GPC6: variants seen among roughly 807,000 people sequenced by gnomAD.
GPC6 encodes the protein glypican-6.
In GPC6, 14 loss-of-function variants were observed where a neutral mutation model predicts 55.2. The observed-to-expected ratio is 0.25, with a 90% CI of 0.17 to 0.40. The LOEUF is 0.40. Among genes scored for constraint, GPC6 ranks in the 10% least tolerant of loss-of-function variants. GPC6 has a pLI of 1.00. For missense variants in GPC6, 641 were observed against 708.5 expected, an observed-to-expected ratio of 0.90 and a Z score of 1.08; for synonymous variants, 278 against 259.6, an observed-to-expected ratio of 1.07 and a Z score of -0.68.
intron 4 of GPC6, among the ~76,000 whole-genome samples, chr13:94,250,757 T>C (rs528465904): frequency 6.6e-6 from 1 of 152,212 alleles, no homozygotes; most frequent in Admixed American, 6.5e-5. Flanking sequence ...GGGTTGTAGA[T>C]AAAACAAGAT....
In GPC6 at chr13:93,596,673, C is replaced by T. The variant is rs565615424; in HGVS notation, c.319+51252C>T. Among the ~76,000 whole-genome samples the T allele has an allele frequency of 1.1e-3, 159 of 145,200 alleles. No individual in the cohort carries two copies. The South Asian group carries it at 0.011, about 10-fold the overall frequency. On this transcript the variant is annotated intron_variant, in intron 2 of 8. Transcript: ENST00000377047. ...GTATATGCATATATAAGTGTGTATA[C>T]ACTTATATAAGTGTGTATATAAGTA... is the stretch of plus-strand genomic sequence containing the variant.
At chr13:93,585,188 G>T (rs1468821904) in intron 2 of GPC6, among the ~76,000 whole-genome samples, 2 of 152,088 alleles carry the variant, frequency 1.3e-5, no homozygotes, top group Non-Finnish European at 2.9e-5. Flanking sequence ...ATTTTTAGGG[G>T]TGCTCAAAAT....
At position 93,545,440 on chromosome 13, in the gene GPC6, AC is replaced by A. The variant is rs1460909236; in HGVS notation, c.319+20del. The A allele has an allele frequency of 1.2e-6, 2 of 1,607,600 alleles. No homozygotes were observed. On this transcript the variant is annotated intron_variant, in intron 2 of 8. Transcript: ENST00000377047. ...TTTGACGGTAGGTGAAATGGTTTTC[AC>A]TTCAGTTTGTTATAGGTGCACTTTT...
rs1200574117 is a variant in GPC6 at position 94,258,514 on chromosome 13, T to C, written c.878-27835T>C. Reference sequence around the variant, plus strand: ...AATAATTGCAAATTTAAATATGATGTTGCTTTTTCTATCCAGTATCTTCTG... The same window carrying C: ...AATAATTGCAAATTTAAATATGATGCTGCTTTTTCTATCCAGTATCTTCTG... On this transcript the variant is annotated intron_variant, in intron 4 of 8. Coordinates refer to ENST00000377047, the MANE Select transcript of GPC6 (RefSeq NM_005708.5). 2.6e-5 allele frequency among the ~76,000 whole-genome samples: 4 copies of C among 152,362 alleles called. No homozygotes were observed. In the East Asian group the frequency reaches 7.7e-4, roughly 29 times the overall value.
chr13:93,319,066 A>G (rs1475448), intron 1 of GPC6, among the ~76,000 whole-genome samples: 29,803 of 151,974 alleles, frequency 0.2, 3,137 homozygotes, highest in Non-Finnish European at 0.24. Context: ...TTCCGATAGC[A>G]CTGGCAGACT....
chr13:93,799,829 G>T (rs1594467927), intron 2 of GPC6, among the ~76,000 whole-genome samples: 1 of 152,300 alleles, frequency 6.6e-6, no homozygotes, highest in East Asian at 1.9e-4. Flanking sequence ...ACTGGGGCAG[G>T]TAGTGGGGCA....
At chr13:93,794,546 A>G (rs1886141578) in intron 2 of GPC6, among the ~76,000 whole-genome samples, 1 of 152,256 alleles carries the variant, frequency 6.6e-6, no homozygotes. Context: ...TGGAAAAGAC[A>G]GGAAGAGTTT....
intron 4 of GPC6, among the ~76,000 whole-genome samples, chr13:94,196,396 A>G (rs1182491451): frequency 6.6e-6 from 1 of 152,154 alleles, no homozygotes; most frequent in African/African-American, 2.4e-5. Flanking sequence ...GCTGAACTTC[A>G]TGTTAACTGT....
At chr13:93,817,156 T>C (rs1388935106) in intron 2 of GPC6, among the ~76,000 whole-genome samples, 1 of 152,248 alleles carries the variant, frequency 6.6e-6, no homozygotes, top group African/African-American at 2.4e-5. Context: ...TTAAATTTGC[T>C]GTGCCTCTGT....
Position 93,276,458 on chromosome 13 carries a change from CAGAGAGAGAGAGAGAG to C in GPC6, c.160+48865_160+48880del, listed in dbSNP as rs144297308. Among the ~76,000 whole-genome samples the C allele has an allele frequency of 2.6e-3, 307 of 117,542 alleles. 3 individuals carry two copies. Among genetic ancestry groups the C allele is most frequent in the African/African-American group, 9.2e-3 (283 of 30,748 alleles). The allele number at this position is 117,542 out of a possible 152,430, so 77.1% of individuals were successfully genotyped here. A position where few individuals can be genotyped will look rare whatever the true frequency, so the allele number is the denominator to read the frequency against. ...GAAATGGCAGAAGCTCTGGCCTTTT[CAGAGAGAGAGAGAGAG>C]AGAGAGAGAGAGAGAGAGAGAGTGT... On this transcript the variant is annotated intron_variant, in intron 1 of 8. Coordinates refer to ENST00000377047, the MANE Select transcript of GPC6 (RefSeq NM_005708.5).
In GPC6 at chr13:94,176,331, A is replaced by G. The variant is rs552375192; in HGVS notation, c.878-110018A>G. On this transcript the variant is annotated intron_variant, in intron 4 of 8. Coordinates refer to ENST00000377047, the MANE Select transcript of GPC6 (RefSeq NM_005708.5). ...ATAGGATCCCTTCTCTCCTGAGACTATGGTGATCTTTTATACCTCTAAAGG... is the reference window on the plus strand; with the variant it reads ...ATAGGATCCCTTCTCTCCTGAGACTGTGGTGATCTTTTATACCTCTAAAGG... 7.9e-5 allele frequency among the ~76,000 whole-genome samples: 12 copies of G among 152,274 alleles called. No homozygotes were observed. The South Asian group carries it at 2.3e-3, about 29-fold the overall frequency.
intron 1 of GPC6, among the ~76,000 whole-genome samples, chr13:93,471,283 G>C (rs1213143762): frequency 2.0e-5 from 3 of 151,188 alleles, no homozygotes; most frequent in African/African-American, 7.3e-5. Flanking sequence ...GGGAGGCCAA[G>C]GCAGGCAGAT....
chr13:93,338,192 C>G (rs1175702393), intron 1 of GPC6, among the ~76,000 whole-genome samples: 1 of 152,080 alleles, frequency 6.6e-6, no homozygotes, highest in Non-Finnish European at 1.5e-5. Flanking sequence ...AGTCATTATC[C>G]CCGGTGAGTT....
At chr13:94,012,610 A>G (rs2138700920) in intron 3 of GPC6, among the ~76,000 whole-genome samples, 1 of 152,346 alleles carries the variant, frequency 6.6e-6, no homozygotes, top group African/African-American at 2.4e-5. Flanking sequence ...GTGTCCGTGC[A>G]TGTTCCTGTG....
chr13:93,273,262 T>G (rs920801288), intron 1 of GPC6, among the ~76,000 whole-genome samples: 1 of 152,210 alleles, frequency 6.6e-6, no homozygotes, highest in Non-Finnish European at 1.5e-5. Context: ...TTAAGAGAGA[T>G]ATTATAAACA....
At chr13:94,079,856 C>T (rs1885045712) in intron 4 of GPC6, among the ~76,000 whole-genome samples, 1 of 152,140 alleles carries the variant, frequency 6.6e-6, no homozygotes, top group Admixed American at 6.6e-5. Context: ...TCTTTACTTC[C>T]CCAGCTTGTA....
chr13:93,289,023 G>A (rs1277968426), intron 1 of GPC6, among the ~76,000 whole-genome samples: 1 of 152,114 alleles, frequency 6.6e-6, no homozygotes, highest in Non-Finnish European at 1.5e-5. Context: ...TCACTATGTG[G>A]GGAAGTCCTC....
At chr13:93,242,871 G>T (rs896197586) in intron 1 of GPC6, among the ~76,000 whole-genome samples, 1 of 152,050 alleles carries the variant, frequency 6.6e-6, no homozygotes, top group Non-Finnish European at 1.5e-5. Context: ...ACCATGTGGG[G>T]TTGCCACAAT....
intron 4 of GPC6, among the ~76,000 whole-genome samples, chr13:94,036,707 G>A (rs1361233716): frequency 6.6e-6 from 1 of 151,998 alleles, no homozygotes; most frequent in Non-Finnish European, 1.5e-5. Context: ...TTTTCAGACT[G>A]AATGAATCCC....
Sources: gnomAD v4.1 joint callset for allele counts (sites outside exome capture counted in the v4.1 genomes callset) on GRCh38, gnomAD v4.1.1 for gene constraint, MANE v1.5 for transcripts, NCBI Gene and HGNC (gene_info 2026-07-23, HGNC 2026-07-21) for gene names.